PBX3: variants seen among roughly 807,000 people sequenced by gnomAD.
The protein encoded by PBX3 is PBX homeobox 3, also known as pre-B-cell leukemia transcription factor 3.
Under a neutral mutation model 48.5 loss-of-function variants are expected in PBX3, and 14 were observed. The ratio of observed to expected loss-of-function variants is 0.29; its 90% CI spans 0.19 to 0.45. The LOEUF (loss-of-function observed/expected upper bound fraction) is 0.45. Ranked by LOEUF, PBX3 falls within the 20% of genes least tolerant of loss-of-function variation. PBX3 has a pLI of 1.00. For missense variants in PBX3, 386 were observed against 546.7 expected (o/e 0.71, Z 2.93); for synonymous variants, 210 against 200.3 (o/e 1.05, Z -0.41).
At chr9:125,942,518 G>A (rs560925068) in intron 5 of PBX3, among the ~76,000 whole-genome samples, 1 of 152,032 alleles carries the variant, frequency 6.6e-6, no homozygotes, top group Non-Finnish European at 1.5e-5. Context: ...GAAGAAGCCC[G>A]TTAAAATAAT....
At chr9:125,878,153 T>C (rs1840299373) in intron 2 of PBX3, among the ~76,000 whole-genome samples, 2 of 152,204 alleles carry the variant, frequency 1.3e-5, no homozygotes, top group African/African-American at 4.8e-5. Context: ...ATCAGTTCCT[T>C]TTTCTGGAGA....
chr9:125,967,208 G>A lies in PBX3; in HGVS notation c.*1285G>A, dbSNP rs1842552598. 6.6e-6 allele frequency: 1 copy of A among 152,428 alleles called. No homozygotes were observed. The highest frequency in any genetic ancestry group is 2.1e-4 in the South Asian group (1 of 4,826). The allele number at this position is 152,428 out of a possible 1,614,324, so 9.4% of individuals were successfully genotyped here. A position where few individuals can be genotyped will look rare whatever the true frequency, so the allele number is the denominator to read the frequency against. ...CTTTCTCTCTTTTTGTATTGTATGC[G>A]ATTCTGAAACTGATTGAGTCATGAA... On this transcript the variant is annotated 3_prime_UTR_variant, in exon 9 of 9. Coordinates refer to ENST00000373489, the MANE Select transcript of PBX3 (RefSeq NM_006195.6).
intron 3 of PBX3, among the ~76,000 whole-genome samples, chr9:125,926,749 G>A (rs1350408344): frequency 6.6e-6 from 1 of 152,236 alleles, no homozygotes. Flanking sequence ...GAACTTGGGA[G>A]GCGGAGATTG....
chr9:125,963,934 T>C (rs1451879631), intron 8 of PBX3, among the ~76,000 whole-genome samples: 1 of 152,240 alleles, frequency 6.6e-6, no homozygotes, highest in South Asian at 2.1e-4. Flanking sequence ...TCTTTTACAT[T>C]TGAAATGTCA....
At chr9:125,772,561 C>T (rs935854117) in intron 2 of PBX3, among the ~76,000 whole-genome samples, 5 of 152,170 alleles carry the variant, frequency 3.3e-5, no homozygotes, top group African/African-American at 1.2e-4. Context: ...TGAACTGCTG[C>T]TTAATTGATT....
chr9:125,923,730 T>G (rs1841507020), intron 3 of PBX3, among the ~76,000 whole-genome samples: 1 of 151,840 alleles, frequency 6.6e-6, no homozygotes, highest in African/African-American at 2.4e-5. Flanking sequence ...TGTGCCCAGC[T>G]AATTTTTAAT....
At chr9:125,760,398 CTT>C (rs1200398707) in intron 2 of PBX3, among the ~76,000 whole-genome samples, 3 of 150,826 alleles carry the variant, frequency 2.0e-5, no homozygotes, top group African/African-American at 7.3e-5. Context: ...GTATTTTAGT[CTT>C]AGGTTTTTTT....
chr9:125,851,332 T>C (rs1839570627), intron 2 of PBX3, among the ~76,000 whole-genome samples: 1 of 152,088 alleles, frequency 6.6e-6, no homozygotes, highest in African/African-American at 2.4e-5. Flanking sequence ...TAAATCAACA[T>C]TATATCTTTG....
chr9:125,894,923 G>C (rs2132398833), intron 2 of PBX3, among the ~76,000 whole-genome samples: 1 of 152,172 alleles, frequency 6.6e-6, no homozygotes, highest in Non-Finnish European at 1.5e-5. Context: ...TGTGGGAAAG[G>C]AAATAACATT....
intron 3 of PBX3, among the ~76,000 whole-genome samples, chr9:125,917,341 G>A (rs556618559): frequency 1.3e-5 from 2 of 152,106 alleles, no homozygotes; most frequent in South Asian, 4.1e-4. Context: ...CCACCAGAGG[G>A]GTTCATTTGT....
At chr9:125,839,246 A>G (rs765612670) in intron 2 of PBX3, among the ~76,000 whole-genome samples, 2 of 152,240 alleles carry the variant, frequency 1.3e-5, no homozygotes, top group Admixed American at 6.5e-5. Flanking sequence ...AAGATACTCA[A>G]TAGATATGTT....
chr9:125,781,400 A>G (rs533075612), intron 2 of PBX3, among the ~76,000 whole-genome samples: 328 of 151,658 alleles, frequency 2.2e-3, no homozygotes, highest in Non-Finnish European at 4.1e-3. Flanking sequence ...CGCGCCTGCA[A>G]TCGCAGGCAC....
chr9:125,834,005 A>G (rs1025877407), intron 2 of PBX3, among the ~76,000 whole-genome samples: 27 of 152,200 alleles, frequency 1.8e-4, no homozygotes, highest in Non-Finnish European at 2.9e-4. Flanking sequence ...AAACAGTATC[A>G]TTAATTGGAT....
chr9:125,827,443 T>C (rs952944590), intron 2 of PBX3, among the ~76,000 whole-genome samples: 1 of 152,182 alleles, frequency 6.6e-6, no homozygotes, highest in Non-Finnish European at 1.5e-5. Context: ...ATTTATCTTA[T>C]GGTTGGTACA....
At chr9:125,963,708 C>T (rs913787809) in intron 8 of PBX3, among the ~76,000 whole-genome samples, 4 of 152,010 alleles carry the variant, frequency 2.6e-5, no homozygotes, top group South Asian at 2.1e-4. Flanking sequence ...AGCAGGTCAT[C>T]GTGGTGGTGC....
chr9:125,835,196 T>G (rs1212290375), intron 2 of PBX3, among the ~76,000 whole-genome samples: 1 of 152,148 alleles, frequency 6.6e-6, no homozygotes, highest in East Asian at 1.9e-4. Context: ...GGCACAGTTC[T>G]AGGCATCTCA....
intron 2 of PBX3, among the ~76,000 whole-genome samples, chr9:125,798,919 A>G (rs927729786): frequency 2.2e-4 from 33 of 151,998 alleles, no homozygotes; most frequent in African/African-American, 6.0e-4. Flanking sequence ...TAATATATAC[A>G]TATATAAGAC....
At chr9:125,929,869 G>A in intron 4 of PBX3, 24 bp downstream of exon 4, 1 of 1,535,666 alleles carries the variant, frequency 6.5e-7, no homozygotes, top group Non-Finnish European at 9.0e-7. Context: ...TAAATCTATT[G>A]CATGGCTTTC....
intron 2 of PBX3, among the ~76,000 whole-genome samples, chr9:125,842,970 T>A (rs1839326912): frequency 6.6e-6 from 1 of 152,168 alleles, no homozygotes; most frequent in South Asian, 2.1e-4. Flanking sequence ...CAGTTCTAGC[T>A]TTGTACTGAG....
Sources: allele counts gnomAD v4.1 joint callset (sites outside exome capture counted in the v4.1 genomes callset), GRCh38; gene constraint gnomAD v4.1.1; transcripts MANE v1.5; gene names NCBI Gene and HGNC (gene_info 2026-07-23, HGNC 2026-07-21).